CTTN: variants seen among roughly 807,000 people sequenced by gnomAD.
The protein encoded by CTTN is src substrate cortactin.
A neutral mutation model predicts 84.0 loss-of-function variants in CTTN; 28 were observed. The ratio of observed to expected loss-of-function variants is 0.33; its 90% CI spans 0.25 to 0.46. The LOEUF (loss-of-function observed/expected upper bound fraction) is 0.46. Ranked by LOEUF, CTTN falls within the 20% of genes least tolerant of loss-of-function variation. The pLI, the probability that CTTN is intolerant of heterozygous loss-of-function variation, is 1.00. For synonymous variants in CTTN, 301 were observed against 288.8 expected (o/e 1.04, Z -0.43); for missense variants, 641 against 723.8 (o/e 0.89, Z 1.31).
chr11:70,414,504 G>A (rs762284130), intron 5 of CTTN, 38 bp from the exon 6 acceptor site: 21 of 1,472,122 alleles, frequency 1.4e-5, no homozygotes, highest in Non-Finnish European at 1.8e-5. Context: ...CCGCAGTGTT[G>A]TTGGTGTCTA....
intron 8 of CTTN, among the ~76,000 whole-genome samples, chr11:70,417,518 C>T (rs992151788): frequency 2.7e-5 from 4 of 149,200 alleles, no homozygotes; most frequent in African/African-American, 5.0e-5. Flanking sequence ...TTCTTTTAGA[C>T]GGAGTCTCGC....
chr11:70,435,725 G>T lies in CTTN; in HGVS notation c.*563G>T, dbSNP rs202066566. On this transcript the variant is annotated 3_prime_UTR_variant, in exon 18 of 18. Coordinates refer to ENST00000301843, the MANE Select transcript of CTTN (RefSeq NM_005231.4). ...ATGGGAAATCTGCCTATGTCATACC[G>T]TGACAGCCCGCAGGATCAGGTGACT... is the stretch of plus-strand genomic sequence containing the variant. 6.3e-7 allele frequency: 1 copy of T among 1,597,958 alleles called. No individual in the cohort carries two copies. The highest frequency in any genetic ancestry group is 8.5e-7 in the Non-Finnish European group (1 of 1,179,684).
At chr11:70,429,322 T>A in intron 14 of CTTN, 123 bp downstream of exon 14, 4 of 1,096,950 alleles carry the variant, frequency 3.6e-6, no homozygotes, top group Non-Finnish European at 5.3e-6. Context: ...AAGGCATGTT[T>A]AACTCTCCTT....
rs754415163 is a variant in CTTN at position 70,423,002 on chromosome 11, A to T, written c.957+7A>T. 6.2e-7 allele frequency: 1 copy of T among 1,613,266 alleles called. No individual in the cohort carries two copies. Among genetic ancestry groups the T allele is most frequent in the South Asian group, 1.1e-5 (1 of 91,058 alleles). ...GAAGGATCGGATGGATAAGGTAAAT[A>T]TTCCAGCCCCGGAGCTTAGTGTCTT... On this transcript the variant is annotated splice_region_variant and intron_variant, in intron 12 of 17. Coordinates refer to ENST00000301843, the MANE Select transcript of CTTN (RefSeq NM_005231.4).
chr11:70,427,546 T>C (rs1291879610), intron 13 of CTTN, among the ~76,000 whole-genome samples: 2 of 152,222 alleles, frequency 1.3e-5, no homozygotes, highest in South Asian at 4.1e-4. Context: ...AGGTAGGCGA[T>C]TGGGAAAGGG....
chr11:70,427,258 G>A (rs1411564993), intron 13 of CTTN, among the ~76,000 whole-genome samples: 2 of 152,120 alleles, frequency 1.3e-5, no homozygotes, highest in South Asian at 2.1e-4. Flanking sequence ...ACTGAGGTAC[G>A]AGAATTGCTT....
chr11:70,427,786 C>T (rs1270014350), intron 13 of CTTN, among the ~76,000 whole-genome samples: 1 of 152,266 alleles, frequency 6.6e-6, no homozygotes, highest in African/African-American at 2.4e-5. Flanking sequence ...AAAAAAATCA[C>T]ATTTGCTGTC....
At chr11:70,418,220 G>T (rs1180029001) in intron 8 of CTTN, among the ~76,000 whole-genome samples, 2 of 152,270 alleles carry the variant, frequency 1.3e-5, no homozygotes, top group African/African-American at 2.4e-5. Flanking sequence ...GGCCTGGAGG[G>T]CAGCTTGGCT....
Position 70,417,138 on chromosome 11 carries a change from A to G in CTTN, c.568+15A>G. ...GTCACAGAGAGGTGGGGCGGACCCCACGGTCTGTAATCACGCGTTTGCTCC... is the reference window on the plus strand; with the variant it reads ...GTCACAGAGAGGTGGGGCGGACCCCGCGGTCTGTAATCACGCGTTTGCTCC... On this transcript the variant is annotated intron_variant, in intron 8 of 17. Coordinates refer to ENST00000301843, the MANE Select transcript of CTTN (RefSeq NM_005231.4). The G allele has an allele frequency of 1.4e-5, 22 of 1,599,172 alleles. No homozygotes were observed. Among genetic ancestry groups the G allele is most frequent in the Non-Finnish European group, 1.8e-5 (21 of 1,166,364 alleles).
chr11:70,402,812 CTTATACT>C (rs1398494530), intron 1 of CTTN, among the ~76,000 whole-genome samples: 12 of 152,142 alleles, frequency 7.9e-5, no homozygotes, highest in Non-Finnish European at 1.6e-4. Flanking sequence ...TTTTTGTGTG[CTTATACT>C]TTATTTCTCT....
chr11:70,436,407 G>A lies in CTTN; in HGVS notation c.*1245G>A, dbSNP rs1028718002. On this transcript the variant is annotated 3_prime_UTR_variant, in exon 18 of 18. Coordinates refer to ENST00000301843, the MANE Select transcript of CTTN (RefSeq NM_005231.4). The stretch of plus-strand genomic sequence containing the variant: ...GGGACTTGGGTCCCGGAGTGCCCGT[G>A]AAGCGTGTTTTTGCTCCTGAGGTGC... 3 of 1,598,094 alleles carry A rather than the reference G, an allele frequency of 1.9e-6. No homozygotes were observed. Among genetic ancestry groups the A allele is most frequent in the Non-Finnish European group, 2.5e-6 (3 of 1,179,704 alleles).
intron 5 of CTTN, among the ~76,000 whole-genome samples, chr11:70,411,740 T>C (rs1408035143): frequency 1.3e-5 from 2 of 152,148 alleles, no homozygotes; most frequent in South Asian, 2.1e-4. Flanking sequence ...AGCTCAGGCC[T>C]TCCCGAGTGC....
At position 70,433,283 on chromosome 11, in the gene CTTN, T is replaced by C; in HGVS notation, c.1444+5T>C. The C allele has an allele frequency of 6.2e-7, 1 of 1,604,728 alleles. No individual in the cohort carries two copies. The highest frequency in any genetic ancestry group is 8.5e-7 in the Non-Finnish European group (1 of 1,176,188). On this transcript the variant is annotated splice_donor_5th_base_variant and intron_variant, in intron 16 of 17. Coordinates refer to ENST00000301843, the MANE Select transcript of CTTN (RefSeq NM_005231.4). ...CCCCGGGCCACTATCCCGCAGGTACTGGGGCCCCACGCTGCAGCGCCCTGC... is the reference window on the plus strand; with the variant it reads ...CCCCGGGCCACTATCCCGCAGGTACCGGGGCCCCACGCTGCAGCGCCCTGC...
intron 7 of CTTN, 55 bp from the exon 8 acceptor site, chr11:70,416,958 G>A: frequency 8.1e-7 from 1 of 1,234,326 alleles, no homozygotes; most frequent in South Asian, 1.2e-5. Flanking sequence ...TTAACAAAAG[G>A]AACAGTGTAG....
rs1026470528 is a variant in CTTN at position 70,425,690 on chromosome 11, C to T, written c.1027+289C>T. Reference sequence around the variant, plus strand: ...GTGCACATTCACAAGGGCCTCCACACTGCCAGTGACCAGCTTCTGGGAGCA... The same window carrying T: ...GTGCACATTCACAAGGGCCTCCACATTGCCAGTGACCAGCTTCTGGGAGCA... On this transcript the variant is annotated intron_variant, in intron 13 of 17. Coordinates refer to ENST00000301843, the MANE Select transcript of CTTN (RefSeq NM_005231.4). Among the ~76,000 whole-genome samples, 4 of 152,242 alleles carry T rather than the reference C, an allele frequency of 2.6e-5. No homozygotes were observed. The East Asian group carries it at 7.7e-4, about 29-fold the overall frequency.
chr11:70,420,126 C>T, intron 9 of CTTN: 1 of 597,874 alleles, frequency 1.7e-6, no homozygotes, highest in Admixed American at 3.1e-5. Flanking sequence ...TGAGCCTGTG[C>T]TGTCTCATGG....
chr11:70,435,370 T>C lies in CTTN; in HGVS notation c.*208T>C, dbSNP rs2058405822. On this transcript the variant is annotated 3_prime_UTR_variant, in exon 18 of 18. Transcript: ENST00000301843. Reference sequence around the variant, plus strand: ...GTTTATGCCACAGAATTTGCTAATATATTGTAATCACATTCCTTAGGAGGA... The same window carrying C: ...GTTTATGCCACAGAATTTGCTAATACATTGTAATCACATTCCTTAGGAGGA... 6.8e-7 allele frequency: 1 copy of C among 1,478,214 alleles called. No homozygotes were observed. Among genetic ancestry groups the C allele is most frequent in the Non-Finnish European group, 8.9e-7 (1 of 1,123,128 alleles). 91.6% of individuals were successfully genotyped at this position (1,478,214 alleles called of 1,614,324 possible).
chr11:70,423,107 C>CCGT, intron 12 of CTTN, 112 bp downstream of exon 12: 1 of 1,301,002 alleles, frequency 7.7e-7, no homozygotes. Context: ...CAAGTGATTT[C>CCGT]CGTCGTGGTG....
At chr11:70,420,553 GT>G in intron 10 of CTTN, 43 bp downstream of exon 10, 1 of 1,477,326 alleles carries the variant, frequency 6.8e-7, no homozygotes, top group Non-Finnish European at 9.5e-7. Flanking sequence ...TTAGAAGTTT[GT>G]TTTTGTTCCT....
Sources: allele counts gnomAD v4.1 joint callset (sites outside exome capture counted in the v4.1 genomes callset), GRCh38; gene constraint gnomAD v4.1.1; transcripts MANE v1.5; gene names NCBI Gene and HGNC (gene_info 2026-07-23, HGNC 2026-07-21).